ERBB4: variants seen among roughly 807,000 people sequenced by gnomAD.
The protein encoded by ERBB4 is receptor tyrosine-protein kinase erbB-4.
A neutral mutation model predicts 158.0 loss-of-function variants in ERBB4; 42 were observed. The observed-to-expected ratio is 0.27, with a 90% confidence interval of 0.21 to 0.34. The LOEUF (loss-of-function observed/expected upper bound fraction) is 0.34, where lower values mean the gene tolerates loss of function less well. Ranked by LOEUF, ERBB4 falls within the 10% of genes least tolerant of loss-of-function variation. The pLI, the probability that ERBB4 is intolerant of heterozygous loss-of-function variation, is 1.00. For synonymous variants in ERBB4, 583 were observed against 558.7 expected, an observed-to-expected ratio of 1.04 and a Z score of -0.61; for missense variants, 1,333 against 1,624.1, an observed-to-expected ratio of 0.82 and a Z score of 3.08.
At chr2:211,439,702 A>G (rs1181445441) in intron 20 of ERBB4, among the ~76,000 whole-genome samples, 1 of 152,198 alleles carries the variant, frequency 6.6e-6, no homozygotes, top group African/African-American at 2.4e-5. Context: ...TAGCAGTAAT[A>G]CAGGTTTCAC....
chr2:211,527,942 G>C (rs957913472), intron 20 of ERBB4, among the ~76,000 whole-genome samples: 8 of 151,850 alleles, frequency 5.3e-5, no homozygotes, highest in Admixed American at 2.6e-4. Context: ...AGGAAAGAAG[G>C]AAAGAAGAAA....
At chr2:212,026,324 A>G (rs993483016) in intron 2 of ERBB4, among the ~76,000 whole-genome samples, 1 of 151,744 alleles carries the variant, frequency 6.6e-6, no homozygotes, top group Non-Finnish European at 1.5e-5. Context: ...TGAAGTTTAA[A>G]TTGAACATTG....
intron 2 of ERBB4, among the ~76,000 whole-genome samples, chr2:211,995,395 T>C (rs1448793459): frequency 2.0e-5 from 3 of 152,166 alleles, no homozygotes; most frequent in African/African-American, 4.8e-5. Context: ...TTTTCATTCA[T>C]TGGATTTAAA....
intron 20 of ERBB4, among the ~76,000 whole-genome samples, chr2:211,490,047 C>G (rs2065300851): frequency 6.6e-6 from 1 of 151,968 alleles, no homozygotes; most frequent in South Asian, 2.1e-4. Flanking sequence ...ATGAGGGGTC[C>G]TCCTATGTGA....
chr2:212,014,595 T>C (rs556380817), intron 2 of ERBB4, among the ~76,000 whole-genome samples: 23 of 152,300 alleles, frequency 1.5e-4, no homozygotes, highest in Middle Eastern at 6.8e-3. Context: ...TTTGATCAAA[T>C]CTGGGCATTT....
intron 19 of ERBB4, among the ~76,000 whole-genome samples, chr2:211,581,140 C>G (rs11679779): frequency 0.75 from 113,461 of 150,474 alleles, 44,424 homozygotes; most frequent in East Asian, 0.89. Flanking sequence ...GGGGGTGAAG[C>G]ATACAATACC....
intron 7 of ERBB4, among the ~76,000 whole-genome samples, chr2:211,721,620 CATAT>C (rs71054137): frequency 0.09 from 11,903 of 131,760 alleles, 895 homozygotes; most frequent in East Asian, 0.25. Flanking sequence ...TGCTATTAAA[CATAT>C]ATATATATAT....
chr2:211,698,596 G>A (rs11689676), intron 12 of ERBB4, among the ~76,000 whole-genome samples: 63,265 of 151,178 alleles, frequency 0.42, 13,504 homozygotes, highest in South Asian at 0.47. Context: ...TATTAAAATT[G>A]TAAAAATAAA....
At chr2:212,078,434 T>C (rs2078336937) in intron 2 of ERBB4, among the ~76,000 whole-genome samples, 1 of 151,974 alleles carries the variant, frequency 6.6e-6, no homozygotes, top group Non-Finnish European at 1.5e-5. Flanking sequence ...TATCCTATTA[T>C]TGAACAAAAA....
chr2:212,507,282 G>A (rs192809817), intron 1 of ERBB4, among the ~76,000 whole-genome samples: 15 of 149,932 alleles, frequency 1.0e-4, no homozygotes, highest in East Asian at 5.9e-4. Context: ...AAGAGTTCTC[G>A]TGGAGATCTA....
intron 2 of ERBB4, among the ~76,000 whole-genome samples, chr2:211,949,677 T>C (rs963807047): frequency 6.6e-6 from 1 of 152,210 alleles, no homozygotes; most frequent in African/African-American, 2.4e-5. Flanking sequence ...CTACCTTAAA[T>C]TGTGCATTAT....
At chr2:212,115,010 A>G (rs1386716000) in intron 2 of ERBB4, among the ~76,000 whole-genome samples, 1 of 152,184 alleles carries the variant, frequency 6.6e-6, no homozygotes, top group Non-Finnish European at 1.5e-5. Flanking sequence ...GTAGCACTAA[A>G]TTATTTAAGA....
chr2:211,508,607 C>T (rs2065808246), intron 20 of ERBB4, among the ~76,000 whole-genome samples: 1 of 152,070 alleles, frequency 6.6e-6, no homozygotes, highest in Non-Finnish European at 1.5e-5. Context: ...ACCATTTGAC[C>T]CAGCAATCCC....
intron 1 of ERBB4, among the ~76,000 whole-genome samples, chr2:212,236,687 AGTCTTCG>A (rs1391053022): frequency 1.3e-5 from 2 of 152,150 alleles, no homozygotes; most frequent in East Asian, 3.8e-4. Flanking sequence ...TTCCTGGTTT[AGTCTTCG>A]GAGGGTGTAT....
chr2:211,959,314 C>T lies in ERBB4; in HGVS notation c.235-11698G>A, dbSNP rs141976599. Among the ~76,000 whole-genome samples, 102 of 152,184 alleles carry T rather than the reference C, an allele frequency of 6.7e-4. 1 individual carries two copies. Among genetic ancestry groups the T allele is most frequent in the South Asian group, 1.9e-3 (9 of 4,824 alleles). On this transcript the variant is annotated intron_variant, in intron 2 of 27. Coordinates refer to ENST00000342788, the MANE Select transcript of ERBB4 (RefSeq NM_005235.3). ...CAATCTTCGTCTAATGACAAGATTG[C>T]CACTAAGAAAATGATGGCTTGCCAA...
At chr2:211,629,438 G>T (rs1357918359) in intron 17 of ERBB4, among the ~76,000 whole-genome samples, 1 of 152,120 alleles carries the variant, frequency 6.6e-6, no homozygotes, top group Non-Finnish European at 1.5e-5. Flanking sequence ...TCATGGGTAG[G>T]AAGAATCAAT....
intron 5 of ERBB4, among the ~76,000 whole-genome samples, chr2:211,731,578 C>T (rs1333081871): frequency 2.0e-5 from 3 of 152,036 alleles, no homozygotes; most frequent in Non-Finnish European, 4.4e-5. Context: ...CTTCTACATG[C>T]TTTAGACATC....
At chr2:212,362,018 C>T (rs528672513) in intron 1 of ERBB4, among the ~76,000 whole-genome samples, 10 of 151,588 alleles carry the variant, frequency 6.6e-5, no homozygotes, top group Non-Finnish European at 1.2e-4. Context: ...TTAAAAGTTT[C>T]ACATAGAAAG....
At chr2:211,909,986 C>G (rs2079501761) in intron 3 of ERBB4, among the ~76,000 whole-genome samples, 1 of 151,638 alleles carries the variant, frequency 6.6e-6, no homozygotes. Context: ...GTGGCGTGAT[C>G]TCGGCTCACT....
Sources: gnomAD v4.1 joint callset for allele counts (sites outside exome capture counted in the v4.1 genomes callset) on GRCh38, gnomAD v4.1.1 for gene constraint, MANE v1.5 for transcripts, NCBI Gene and HGNC (gene_info 2026-07-23, HGNC 2026-07-21) for gene names.